The following CRB1 variants were observed in gnomAD, a reference collection of about 807,000 sequenced individuals.
CRB1 encodes the protein crumbs cell polarity complex component 1.
In CRB1, 83 loss-of-function variants were observed where a neutral mutation model predicts 120.0. The ratio of observed to expected loss-of-function variants is 0.69; its 90% confidence interval spans 0.58 to 0.83. The LOEUF is 0.83. CRB1 is among the 40% of genes least tolerant of loss of function. CRB1 has a pLI of 0.00. For missense variants in CRB1, 1,699 were observed against 1,687.6 expected, an observed-to-expected ratio of 1.01 and a Z score of -0.12; for synonymous variants, 625 against 612.5, an observed-to-expected ratio of 1.02 and a Z score of -0.30.
At chr1:197,416,217 A>G (rs1663992462) in intron 5 of CRB1, among the ~76,000 whole-genome samples, 3 of 152,322 alleles carry the variant, frequency 2.0e-5, no homozygotes, top group Non-Finnish European at 4.4e-5. Flanking sequence ...ACTTCATGTT[A>G]TCTGCAATAT....
At chr1:197,344,917 T>C (rs1478992129) in intron 3 of CRB1, among the ~76,000 whole-genome samples, 2 of 152,240 alleles carry the variant, frequency 1.3e-5, no homozygotes, top group Non-Finnish European at 2.9e-5. Flanking sequence ...TACTTATATC[T>C]TGAATTAATT....
the CRB1 span, among the ~76,000 whole-genome samples, chr1:197,223,980 CCT>C: frequency 6.6e-6 from 1 of 152,030 alleles, no homozygotes; most frequent in African/African-American, 2.4e-5. Context: ...AACTTCTCCC[CCT>C]GTGTAAGGTA....
intron 3 of CRB1, 23 bp from the exon 4 acceptor site, chr1:197,347,317 T>C (rs375065689): frequency 9.3e-5 from 149 of 1,609,616 alleles, no homozygotes; most frequent in Non-Finnish European, 1.2e-4. Flanking sequence ...AGAGTTGACA[T>C]GAAAATTTCA....
chr1:197,237,418 G>T, the CRB1 span, among the ~76,000 whole-genome samples: 1 of 152,132 alleles, frequency 6.6e-6, no homozygotes, highest in African/African-American at 2.4e-5. Context: ...GGTGAAAGGG[G>T]CAAGGCGGCT....
chr1:197,265,081 A>G (rs920939492), upstream of CRB1, among the ~76,000 whole-genome samples: 2 of 152,070 alleles, frequency 1.3e-5, no homozygotes, highest in Non-Finnish European at 2.9e-5. Flanking sequence ...ATTGTGTCCA[A>G]TGTCTGTCAT....
intron 4 of CRB1, among the ~76,000 whole-genome samples, chr1:197,351,721 TG>T (rs1216697034): frequency 6.6e-6 from 1 of 152,054 alleles, no homozygotes; most frequent in African/African-American, 2.4e-5. Flanking sequence ...TGGTTAAGGT[TG>T]GGGCGAGGGG....
chr1:197,219,891 T>A, the CRB1 span, among the ~76,000 whole-genome samples: 2 of 152,260 alleles, frequency 1.3e-5, no homozygotes, highest in Non-Finnish European at 2.9e-5. Flanking sequence ...TCAGTGGCAC[T>A]CACTGTCTTA....
At chr1:197,429,373 A>G (rs1225718174) in intron 7 of CRB1, 76 bp from the exon 8 acceptor site, 3 of 1,527,002 alleles carry the variant, frequency 2.0e-6, no homozygotes, top group Admixed American at 1.7e-5. Context: ...AAAAAAACAG[A>G]TATGTGGTTT....
rs559580687 is a variant in CRB1 at position 197,439,811 on chromosome 1, G to A, written c.3878+1136G>A. ...AGTGCTCCCTGGCAAGTGCCCTTTGGATTAATTGGAATTTTCTGTTTTCTA... is the reference window on the plus strand; with the variant it reads ...AGTGCTCCCTGGCAAGTGCCCTTTGAATTAATTGGAATTTTCTGTTTTCTA... On this transcript the variant is annotated intron_variant, in intron 10 of 11. Coordinates refer to ENST00000367400, the MANE Select transcript of CRB1 (RefSeq NM_201253.3). 7 of 152,244 alleles carry A rather than the reference G, an allele frequency of 4.6e-5. No individual in the cohort carries two copies. The South Asian group carries it at 1.0e-3, about 23-fold the overall frequency. 9.4% of individuals were successfully genotyped at this position (152,244 alleles called of 1,614,324 possible). A position where few individuals can be genotyped will look rare whatever the true frequency, so the allele number is the denominator to read the frequency against.
At chr1:197,310,825 A>T (rs1657472225) in intron 1 of CRB1, among the ~76,000 whole-genome samples, 1 of 152,164 alleles carries the variant, frequency 6.6e-6, no homozygotes. Context: ...AGGAAATATC[A>T]TATGCTTCTC....
At chr1:197,371,711 G>A (rs1004932176) in intron 5 of CRB1, among the ~76,000 whole-genome samples, 1 of 152,116 alleles carries the variant, frequency 6.6e-6, no homozygotes, top group Non-Finnish European at 1.5e-5. Flanking sequence ...AACTCCCACA[G>A]GGTTGGTACT....
chr1:197,302,455 C>G (rs921846366), intron 1 of CRB1, among the ~76,000 whole-genome samples: 2 of 151,984 alleles, frequency 1.3e-5, no homozygotes, highest in East Asian at 1.9e-4. Flanking sequence ...TGGAACTGAA[C>G]CTACAATATC....
At chr1:197,466,879 G>C (rs1666768854) in intron 11 of CRB1, among the ~76,000 whole-genome samples, 1 of 152,236 alleles carries the variant, frequency 6.6e-6, no homozygotes, top group East Asian at 1.9e-4. Context: ...AGTGACACCA[G>C]TCGATCATAA....
upstream of CRB1, among the ~76,000 whole-genome samples, chr1:197,265,357 TCTTCCTTCCTTTTGTCCTCC>T (rs1654608722): frequency 6.6e-6 from 1 of 150,630 alleles, no homozygotes; most frequent in Admixed American, 6.6e-5. Flanking sequence ...TTTTGTCCTT[TCTTCCTTCCTTTTGTCCTCC>T]CTTCCTTCAT....
chr1:197,412,225 A>T (rs1663747986), intron 5 of CRB1, among the ~76,000 whole-genome samples: 1 of 152,222 alleles, frequency 6.6e-6, no homozygotes, highest in African/African-American at 2.4e-5. Context: ...TTCAATAAGT[A>T]TGCCTTATAT....
intron 10 of CRB1, chr1:197,440,992 C>T (rs1295662873): frequency 1.3e-5 from 2 of 152,176 alleles, no homozygotes; most frequent in Admixed American, 6.5e-5. Context: ...GGATAAGGAG[C>T]TGTTTTTCTT....
intron 5 of CRB1, among the ~76,000 whole-genome samples, chr1:197,407,299 G>A (rs976137031): frequency 6.6e-6 from 1 of 152,218 alleles, no homozygotes; most frequent in African/African-American, 2.4e-5. Context: ...GTATGTTAGA[G>A]ATTTCGGGTT....
intron 5 of CRB1, among the ~76,000 whole-genome samples, chr1:197,372,425 C>T (rs1661418154): frequency 6.6e-6 from 1 of 152,170 alleles, no homozygotes; most frequent in African/African-American, 2.4e-5. Flanking sequence ...CACATACAAA[C>T]ATATAACACA....
intron 2 of CRB1, among the ~76,000 whole-genome samples, chr1:197,335,605 TCTC>T (rs1407072868): frequency 6.6e-6 from 1 of 152,094 alleles, no homozygotes; most frequent in Non-Finnish European, 1.5e-5. Context: ...TTCAAGCAAT[TCTC>T]CTGCCTCAGC....
Sources: allele counts gnomAD v4.1 joint callset (sites outside exome capture counted in the v4.1 genomes callset), GRCh38; gene constraint gnomAD v4.1.1; transcripts MANE v1.5; gene names NCBI Gene and HGNC (gene_info 2026-07-23, HGNC 2026-07-21).